ZBTB45: variants seen among roughly 807,000 people sequenced by gnomAD.
The protein encoded by ZBTB45 is zinc finger and BTB domain containing 45.
Under a neutral mutation model 28.4 loss-of-function variants are expected in ZBTB45, and 22 were observed. That is an observed-to-expected ratio of 0.77 (90% CI 0.55 to 1.10). The LOEUF (loss-of-function observed/expected upper bound fraction) is 1.10, where lower values mean the gene tolerates loss of function less well. ZBTB45 is among the 50% of genes least tolerant of loss of function. The pLI, the probability that ZBTB45 is intolerant of heterozygous loss-of-function variation, is 0.00. For synonymous variants in ZBTB45, 361 were observed against 332.3 expected (o/e 1.09, Z -0.94); for missense variants, 656 against 750.2 (o/e 0.87, Z 1.47).
intron 1 of ZBTB45, among the ~76,000 whole-genome samples, chr19:58,518,216 C>T (rs1225918082): frequency 6.6e-6 from 1 of 152,204 alleles, no homozygotes; most frequent in Non-Finnish European, 1.5e-5. Flanking sequence ...CACATCCCCC[C>T]AGTATGAGAC....
upstream of ZBTB45, among the ~76,000 whole-genome samples, chr19:58,523,344 G>A (rs529115821): frequency 1.7e-4 from 26 of 151,980 alleles, no homozygotes; most frequent in African/African-American, 2.7e-4. Context: ...TCAGGAGTTC[G>A]AGACCACCCT....
chr19:58,535,846 A>T (rs1174666811), intron 1 of ZBTB45, among the ~76,000 whole-genome samples: 2 of 152,184 alleles, frequency 1.3e-5, no homozygotes, highest in Non-Finnish European at 2.9e-5. Context: ...TGGGCTAAGC[A>T]CAGTGGATGC....
chr19:58,529,448 A>G (rs2053625152), intron 1 of ZBTB45, among the ~76,000 whole-genome samples: 1 of 152,174 alleles, frequency 6.6e-6, no homozygotes, highest in Non-Finnish European at 1.5e-5. Flanking sequence ...TTTTAAAGTG[A>G]ACAACACAGT....
chr19:58,537,375 G>A (rs1254839359), intron 1 of ZBTB45, among the ~76,000 whole-genome samples: 1 of 152,130 alleles, frequency 6.6e-6, no homozygotes, highest in Non-Finnish European at 1.5e-5. Flanking sequence ...AGAAGGAAAA[G>A]GGGTGCTCTT....
At chr19:58,537,366 G>A (rs1188653238) in intron 1 of ZBTB45, among the ~76,000 whole-genome samples, 2 of 152,140 alleles carry the variant, frequency 1.3e-5, no homozygotes, top group Non-Finnish European at 2.9e-5. Context: ...GGGCCCAGGA[G>A]AAGGAAAAGG....
upstream of ZBTB45, among the ~76,000 whole-genome samples, chr19:58,523,265 TCTGTGGTGGC>T (rs2053588028): frequency 6.9e-6 from 1 of 144,214 alleles, no homozygotes; most frequent in Non-Finnish European, 1.6e-5. Context: ...CGTGGTGGCG[TCTGTGGTGGC>T]GTCTGTAATC....
upstream of ZBTB45, among the ~76,000 whole-genome samples, chr19:58,521,830 A>G (rs1414520552): frequency 1.3e-5 from 2 of 152,074 alleles, no homozygotes; most frequent in Non-Finnish European, 2.9e-5. Flanking sequence ...CACTTCCCCT[A>G]TCCCAGAGGA....
chr19:58,533,248 A>G (rs1373568117), intron 1 of ZBTB45, among the ~76,000 whole-genome samples: 4 of 152,148 alleles, frequency 2.6e-5, no homozygotes, highest in Non-Finnish European at 5.9e-5. Flanking sequence ...ATTTTTTCTT[A>G]TGGGGCATTA....
At chr19:58,531,299 T>C (rs1449910687) in intron 1 of ZBTB45, among the ~76,000 whole-genome samples, 2 of 152,220 alleles carry the variant, frequency 1.3e-5, no homozygotes, top group Non-Finnish European at 2.9e-5. Flanking sequence ...TTCTCCTTTT[T>C]AAATAGTTGT....
At chr19:58,518,736 G>A (rs1482144494) in intron 1 of ZBTB45, among the ~76,000 whole-genome samples, 1 of 152,014 alleles carries the variant, frequency 6.6e-6, no homozygotes, top group East Asian at 1.9e-4. Flanking sequence ...TGAGATACTC[G>A]GCTCATCCCG....
chr19:58,533,692 C>T (rs185998080), intron 1 of ZBTB45, among the ~76,000 whole-genome samples: 19 of 152,302 alleles, frequency 1.2e-4, no homozygotes, highest in Admixed American at 9.2e-4. Flanking sequence ...ATTCTGCTCC[C>T]ACCCATTCCC....
Position 58,514,338 on chromosome 19 carries a change from G to A in ZBTB45, c.1280-28C>T, listed in dbSNP as rs772581594. On this transcript the variant is annotated intron_variant, in intron 2 of 2. Coordinates refer to ENST00000594051, the MANE Select transcript of ZBTB45 (RefSeq NM_001316979.2). ...GCGGAAGACAGGGCGGGCCGCGAAC[G>A]CAAGTCAGACTCTACAGCTCCCCGC... is the stretch of plus-strand genomic sequence containing the variant. 3.0e-5 allele frequency: 47 copies of A among 1,578,190 alleles called. No individual in the cohort carries two copies. In the South Asian group the frequency reaches 4.1e-4, roughly 14 times the overall value.
intron 1 of ZBTB45, among the ~76,000 whole-genome samples, chr19:58,526,688 C>T (rs574803536): frequency 4.0e-5 from 6 of 148,270 alleles, no homozygotes; most frequent in East Asian, 2.0e-4. Context: ...CCCGCCACTA[C>T]GCCCGGCTAA....
chr19:58,517,046 C>T lies in ZBTB45; in HGVS notation c.628G>A (p.Asp210Asn). The T allele has an allele frequency of 6.2e-7, 1 of 1,613,264 alleles. No individual in the cohort carries two copies. Among genetic ancestry groups the T allele is most frequent in the Non-Finnish European group, 8.5e-7 (1 of 1,180,008 alleles). Residue 210 changes from aspartate to asparagine, a missense_variant, in exon 2 of 3, where the codon GAT becomes AAT. By Grantham distance (23) the Asp-to-Asn change is conservative. Around this residue, in one of 3 missense-constraint regions of ZBTB45, gnomAD observed 448 missense variants for 444.3 expected, o/e 1.01. Coordinates refer to ENST00000594051, the MANE Select transcript of ZBTB45 (RefSeq NM_001316979.2). ...SAAPDDRGDE[D>N]DEESDDETDG... ...GTCTCATCGTCACTTTCCTCGTCAT[C>T]CTCGTCACCTCGGTCATCAGGGGCC...
chr19:58,538,505 G>A (rs1201047999), intron 1 of ZBTB45, among the ~76,000 whole-genome samples: 1 of 152,120 alleles, frequency 6.6e-6, no homozygotes, highest in Non-Finnish European at 1.5e-5. Context: ...GATCTGGGGG[G>A]CCGCGCGCCC....
intron 1 of ZBTB45, among the ~76,000 whole-genome samples, chr19:58,528,755 G>A (rs1875521066): frequency 6.6e-6 from 1 of 152,104 alleles, no homozygotes; most frequent in Non-Finnish European, 1.5e-5. Flanking sequence ...TTAGCCAGGT[G>A]TGGTGGCATG....
chr19:58,527,562 G>A (rs185415667), intron 1 of ZBTB45, among the ~76,000 whole-genome samples: 202 of 152,230 alleles, frequency 1.3e-3, no homozygotes, highest in African/African-American at 4.7e-3. Flanking sequence ...TGTGCCACCC[G>A]GGTGTTGTGA....
At chr19:58,522,082 G>A (rs1247437947), upstream of ZBTB45, among the ~76,000 whole-genome samples, 1 of 151,978 alleles carries the variant, frequency 6.6e-6, no homozygotes, top group East Asian at 1.9e-4. Flanking sequence ...CAGCACTTTG[G>A]GAGGCCGAGG....
chr19:58,536,383 G>A (rs1335440358), intron 1 of ZBTB45, among the ~76,000 whole-genome samples: 2 of 150,644 alleles, frequency 1.3e-5, no homozygotes, highest in Non-Finnish European at 3.0e-5. Flanking sequence ...GGAGAATGGC[G>A]TGAACCCGGG....
Sources: gnomAD v4.1 joint callset for allele counts (sites outside exome capture counted in the v4.1 genomes callset) on GRCh38, gnomAD v4.1.1 for gene constraint, gnomAD v4.1.1 regional missense constraint, MANE v1.5 for transcripts, NCBI Gene and HGNC (gene_info 2026-07-23, HGNC 2026-07-21) for gene names.